MED15: variants seen among roughly 807,000 people sequenced by gnomAD.
MED15 encodes the protein mediator complex subunit 15, also known as mediator of RNA polymerase II transcription subunit 15.
Under a neutral mutation model 118.7 loss-of-function variants are expected in MED15, and 41 were observed. The ratio of observed to expected loss-of-function variants is 0.35; its 90% CI spans 0.27 to 0.45. The LOEUF (loss-of-function observed/expected upper bound fraction) is 0.45, where lower values mean the gene tolerates loss of function less well. Among genes scored for constraint, MED15 ranks in the 20% least tolerant of loss-of-function variants. The probability of loss-of-function intolerance (pLI) is 1.00; values close to 1 mark genes in which losing one functional copy is unlikely to be tolerated. For synonymous variants in MED15, 436 were observed against 413.9 expected, an observed-to-expected ratio of 1.05 and a Z score of -0.65; for missense variants, 740 against 1,025.5, an observed-to-expected ratio of 0.72 and a Z score of 3.80.
At chr22:20,534,386 G>A (rs573086090) in intron 1 of MED15, among the ~76,000 whole-genome samples, 20 of 152,198 alleles carry the variant, frequency 1.3e-4, no homozygotes, top group Admixed American at 4.6e-4. Context: ...TTAGCCAGGC[G>A]TGGTGGCGCA....
rs761322295 is a variant in MED15 at position 20,586,674 on chromosome 22, C to T, written c.2337C>T (p.Ser779=). ...VTALLNTWAQ[S]VHQACLSAA is the part of the protein sequence containing the mutation. ...CCTTGCTCAACACCTGGGCCCAGAG[C>T]GTCCACCAGGCCTGCCTCTCAGCCG... is the stretch of plus-strand genomic sequence containing the variant. Residue 779 remains serine (S), a synonymous_variant, in exon 18 of 18, where the codon AGC becomes AGT. Transcript: ENST00000263205. 4.3e-6 allele frequency: 7 copies of T among 1,612,630 alleles called. No individual in the cohort carries two copies. In the South Asian group the frequency reaches 4.4e-5, roughly 10 times the overall value.
chr22:20,575,853 C>G (rs1238741475), intron 9 of MED15, among the ~76,000 whole-genome samples: 1 of 152,088 alleles, frequency 6.6e-6, no homozygotes, highest in East Asian at 1.9e-4. Context: ...TTTAAGCCCT[C>G]ATTTGCCCAC....
chr22:20,560,860 T>C (rs577033424), intron 5 of MED15, among the ~76,000 whole-genome samples: 2 of 152,284 alleles, frequency 1.3e-5, no homozygotes, highest in African/African-American at 4.8e-5. Context: ...GGAGGCTGTA[T>C]CCCTAGCCTC....
chr22:20,522,929 C>T (rs1385742190), intron 1 of MED15: 2 of 152,306 alleles, frequency 1.3e-5, no homozygotes, highest in African/African-American at 4.8e-5. Context: ...CCTCCAGTCA[C>T]AGCAGCCCCG....
At chr22:20,541,628 C>A (rs2055316899) in intron 2 of MED15, among the ~76,000 whole-genome samples, 1 of 148,750 alleles carries the variant, frequency 6.7e-6, no homozygotes, top group Admixed American at 6.8e-5. Context: ...GGACTATAGG[C>A]ACACACCATC....
At chr22:20,548,647 G>A (rs1400022752) in intron 2 of MED15, among the ~76,000 whole-genome samples, 1 of 152,158 alleles carries the variant, frequency 6.6e-6, no homozygotes, top group East Asian at 1.9e-4. Context: ...AAATATGTGT[G>A]TTTACGTTCC....
chr22:20,545,822 G>A (rs1311165504), intron 2 of MED15, among the ~76,000 whole-genome samples: 2 of 152,080 alleles, frequency 1.3e-5, no homozygotes, highest in African/African-American at 4.8e-5. Flanking sequence ...GAATTTGATG[G>A]TATTTCAAAA....
intron 1 of MED15, among the ~76,000 whole-genome samples, chr22:20,517,103 ATT>A (rs397867953): frequency 2.1e-5 from 3 of 141,442 alleles, no homozygotes; most frequent in Non-Finnish European, 3.1e-5. Context: ...TAATTTTCTT[ATT>A]TTTTTTTTTT....
At chr22:20,518,161 A>G (rs1165513698) in intron 1 of MED15, among the ~76,000 whole-genome samples, 1 of 138,314 alleles carries the variant, frequency 7.2e-6, no homozygotes, top group African/African-American at 2.8e-5. Flanking sequence ...GTTTTATTAA[A>G]CAGATGTCTT....
chr22:20,556,809 G>A (rs2056030318), intron 5 of MED15, among the ~76,000 whole-genome samples: 1 of 152,136 alleles, frequency 6.6e-6, no homozygotes, highest in Non-Finnish European at 1.5e-5. Flanking sequence ...GATCTGTTGT[G>A]TGTCTCTGTA....
At chr22:20,532,927 G>T (rs2054916187) in intron 1 of MED15, among the ~76,000 whole-genome samples, 2 of 152,146 alleles carry the variant, frequency 1.3e-5, no homozygotes, top group Non-Finnish European at 2.9e-5. Flanking sequence ...TTTGTCTCAG[G>T]CTGTGCTCCT....
At chr22:20,515,998 C>A (rs113272454) in intron 1 of MED15, among the ~76,000 whole-genome samples, 4 of 55,468 alleles carry the variant, frequency 7.2e-5, no homozygotes, top group Non-Finnish European at 1.2e-4. Context: ...AAGACTCTGT[C>A]TCAAAACAAA....
rs566262474 is a variant in MED15 at position 20,528,241 on chromosome 22, C to G, written c.69-8876C>G. Among the ~76,000 whole-genome samples the G allele has an allele frequency of 1.8e-4, 28 of 152,256 alleles. 1 individual carries two copies. The highest frequency in any genetic ancestry group is 6.7e-4 in the African/African-American group (28 of 41,552). On this transcript the variant is annotated intron_variant, in intron 1 of 17. Transcript: ENST00000263205. ...GCACGTGGAGCTTGTCGACTGGGAA[C>G]TTCATTGAAGGCTCATCTGGCTGCA...
chr22:20,570,966 G>A (rs1003644966), intron 8 of MED15, among the ~76,000 whole-genome samples: 1 of 151,550 alleles, frequency 6.6e-6, no homozygotes, highest in Admixed American at 6.6e-5. Context: ...GTAGAGATGG[G>A]CCAGGCTGGT....
intron 2 of MED15, among the ~76,000 whole-genome samples, chr22:20,542,109 C>A (rs1439086195): frequency 6.6e-6 from 1 of 152,156 alleles, no homozygotes; most frequent in Non-Finnish European, 1.5e-5. Flanking sequence ...AATTAGAATT[C>A]TCATACATTG....
chr22:20,567,922 A>G (rs1323741395), intron 7 of MED15, among the ~76,000 whole-genome samples: 1 of 151,548 alleles, frequency 6.6e-6, no homozygotes, highest in Non-Finnish European at 1.5e-5. Flanking sequence ...CACTGATGTG[A>G]TCAGACCTCC....
intron 1 of MED15, among the ~76,000 whole-genome samples, chr22:20,510,882 G>A (rs1187097982): frequency 2.0e-5 from 3 of 152,120 alleles, no homozygotes; most frequent in Non-Finnish European, 4.4e-5. Flanking sequence ...ATATTCACAA[G>A]TTCTAGGGAT....
chr22:20,508,059 A>G, intron 1 of MED15: 1 of 1,353,674 alleles, frequency 7.4e-7, no homozygotes, highest in Non-Finnish European at 9.5e-7. Flanking sequence ...ACCACACTGA[A>G]TAGGGAAAGG....
intron 3 of MED15, among the ~76,000 whole-genome samples, chr22:20,552,924 C>G (rs2146522965): frequency 6.6e-6 from 1 of 152,236 alleles, no homozygotes; most frequent in South Asian, 2.1e-4. Context: ...TCCCTAAGGC[C>G]CCAGGTTGAC....
Sources: gnomAD v4.1 joint callset for allele counts (sites outside exome capture counted in the v4.1 genomes callset) on GRCh38, gnomAD v4.1.1 for gene constraint, MANE v1.5 for transcripts, NCBI Gene and HGNC (gene_info 2026-07-23, HGNC 2026-07-21) for gene names.